IKBKB: variants seen among roughly 807,000 people sequenced by gnomAD.
The protein encoded by IKBKB is inhibitor of nuclear factor kappa-B kinase subunit beta.
Under a neutral mutation model 113.6 loss-of-function variants are expected in IKBKB, and 42 were observed. The ratio of observed to expected loss-of-function variants is 0.37; its 90% CI spans 0.29 to 0.48. The LOEUF (loss-of-function observed/expected upper bound fraction) is 0.48, where lower values mean the gene tolerates loss of function less well. Among genes scored for constraint, IKBKB ranks in the 20% least tolerant of loss-of-function variants. The pLI is 0.99. For missense variants in IKBKB, 673 were observed against 939.7 expected (o/e 0.72, Z 3.71); for synonymous variants, 296 against 361.3 (o/e 0.82, Z 2.05).
At chr8:42,275,802 C>G (rs1808959614) in intron 2 of IKBKB, among the ~76,000 whole-genome samples, 1 of 152,056 alleles carries the variant, frequency 6.6e-6, no homozygotes, top group Admixed American at 6.6e-5. Context: ...GATAGATACC[C>G]AGTAGTGGGA....
intron 5 of IKBKB, 74 bp from the exon 6 acceptor site, chr8:42,305,113 T>G: frequency 1.0e-6 from 1 of 981,696 alleles, no homozygotes; most frequent in Non-Finnish European, 1.6e-6. Context: ...GGCATTTATC[T>G]TTTGCAGGAT....
intron 5 of IKBKB, among the ~76,000 whole-genome samples, chr8:42,295,043 TG>T (rs1813444861): frequency 6.6e-6 from 1 of 152,030 alleles, no homozygotes; most frequent in Admixed American, 6.6e-5. Flanking sequence ...TTTTTTTGGA[TG>T]TTTTTCTCTC....
At chr8:42,299,207 C>T (rs1332426993) in intron 5 of IKBKB, among the ~76,000 whole-genome samples, 3 of 152,162 alleles carry the variant, frequency 2.0e-5, no homozygotes, top group South Asian at 4.1e-4. Context: ...GTGTCCGTGT[C>T]GAACCTGGTC....
At chr8:42,273,661 C>T (rs919734029) in intron 2 of IKBKB, among the ~76,000 whole-genome samples, 10 of 151,876 alleles carry the variant, frequency 6.6e-5, no homozygotes, top group African/African-American at 2.2e-4. Context: ...CCGTCTTTGC[C>T]TCCCAAAATG....
intron 19 of IKBKB, 112 bp downstream of exon 19, chr8:42,322,606 C>T: frequency 9.1e-7 from 1 of 1,104,066 alleles, no homozygotes; most frequent in Non-Finnish European, 1.3e-6. Context: ...CAGCAGCCCA[C>T]TCAGCTGCTG....
chr8:42,331,005 TG>T lies in IKBKB; in HGVS notation c.*30del. 6.2e-7 allele frequency: 1 copy of T among 1,602,450 alleles called. No homozygotes were observed. Among genetic ancestry groups the T allele is most frequent in the Non-Finnish European group, 8.5e-7 (1 of 1,171,680 alleles). ...TGTGGGGGGACTCGACCCCCTGACA[TG>T]GGGCAGCCCATAGCAGGCCTTGTGC... On this transcript the variant is annotated 3_prime_UTR_variant, in exon 22 of 22. Coordinates refer to ENST00000520810, the MANE Select transcript of IKBKB (RefSeq NM_001556.3).
chr8:42,316,158 A>G lies in IKBKB; in HGVS notation c.801-52A>G. On this transcript the variant is annotated intron_variant, in intron 9 of 21. Coordinates refer to ENST00000520810, the MANE Select transcript of IKBKB (RefSeq NM_001556.3). This position sits in a 1 kb window ranked among gnomAD's most constrained non-coding sequence, Gnocchi z 4.5. ...GTGTATACTGGGAGACGCACACTGT[A>G]GCCCAACATTGGCTGGAAGTGTCTC... 1 of 1,603,958 alleles carries G rather than the reference A, an allele frequency of 6.2e-7. No individual in the cohort carries two copies. The highest frequency in any genetic ancestry group is 1.1e-5 in the South Asian group (1 of 90,222).
At chr8:42,313,679 G>A (rs1818150654) in intron 8 of IKBKB, among the ~76,000 whole-genome samples, 2 of 152,164 alleles carry the variant, frequency 1.3e-5, no homozygotes, top group Non-Finnish European at 2.9e-5. Flanking sequence ...TGAAATAGAA[G>A]GTAGAGCAAG....
chr8:42,326,974 G>A (rs2130719567), intron 20 of IKBKB, among the ~76,000 whole-genome samples: 1 of 152,290 alleles, frequency 6.6e-6, no homozygotes, highest in South Asian at 2.1e-4. Context: ...AGGAGGTTGG[G>A]AGTGACTGAT....
intron 19 of IKBKB, chr8:42,325,682 T>C (rs939852672): frequency 8.6e-7 from 1 of 1,162,754 alleles, no homozygotes; most frequent in Non-Finnish European, 1.1e-6. Context: ...TCAATCATAA[T>C]CAATCAGTAA....
rs1821735289 is a variant in IKBKB at position 42,332,012 on chromosome 8, A to C, written c.*1033A>C. On this transcript the variant is annotated 3_prime_UTR_variant, in exon 22 of 22. Coordinates refer to ENST00000520810, the MANE Select transcript of IKBKB (RefSeq NM_001556.3). ...GGCTTCTGAACTAAAATAATGGAAAATTTTAACAATTTGTATAGTGCCTGG... is the reference window on the plus strand; with the variant it reads ...GGCTTCTGAACTAAAATAATGGAAACTTTTAACAATTTGTATAGTGCCTGG... 1 of 155,076 alleles carries C rather than the reference A, an allele frequency of 6.4e-6. No homozygotes were observed. 9.6% of individuals were successfully genotyped at this position (155,076 alleles called of 1,614,324 possible). A position where few individuals can be genotyped will look rare whatever the true frequency, so the allele number is the denominator to read the frequency against.
intron 7 of IKBKB, 50 bp from the exon 8 acceptor site, chr8:42,308,851 G>C (rs199967112): frequency 5.8e-5 from 93 of 1,592,280 alleles, no homozygotes; most frequent in Middle Eastern, 1.7e-4. Flanking sequence ...CTCCTGCCGT[G>C]GTCCCCCCAG....
intron 2 of IKBKB, among the ~76,000 whole-genome samples, chr8:42,275,077 A>G (rs766989666): frequency 3.6e-4 from 54 of 151,658 alleles, no homozygotes; most frequent in Middle Eastern, 3.4e-3. Context: ...GGGTTTTACC[A>G]TGTTGGCCAG....
At position 42,315,707 on chromosome 8, in the gene IKBKB, C is replaced by T. The variant is rs192470002; in HGVS notation, c.801-503C>T. Among the ~76,000 whole-genome samples, 496 of 152,118 alleles carry T rather than the reference C, an allele frequency of 3.3e-3. 2 individuals carry two copies. The highest frequency in any genetic ancestry group is 0.011 in the African/African-American group (467 of 41,508). On this transcript the variant is annotated intron_variant, in intron 9 of 21. Coordinates refer to ENST00000520810, the MANE Select transcript of IKBKB (RefSeq NM_001556.3). ...CAGAGTCTCCCTCTTGTCACCCAGG[C>T]TAGAGTGCAGTGTGGCACAGTCTTG...
chr8:42,298,009 G>C (rs953585447), intron 5 of IKBKB: 1 of 790,616 alleles, frequency 1.3e-6, no homozygotes. Context: ...GGAGACCTGG[G>C]ACCCATGTGG....
rs1821676051 is a variant in IKBKB at position 42,331,433 on chromosome 8, A to T, written c.*454A>T. ...CAGAGTCCGAGCAGCGCTTGGTGAC[A>T]GCCTGTCCTCTCCTGCTCTCCAAAG... On this transcript the variant is annotated 3_prime_UTR_variant, in exon 22 of 22. Transcript: ENST00000520810. 1.4e-6 allele frequency: 1 copy of T among 702,484 alleles called. No homozygotes were observed. The highest frequency in any genetic ancestry group is 2.6e-6 in the Non-Finnish European group (1 of 384,970). 43.5% of individuals were successfully genotyped at this position (702,484 alleles called of 1,614,324 possible).
rs765143291 is a variant in IKBKB at position 42,330,978 on chromosome 8, G to C, written c.2270G>C (p.Ter757SerextTer25). 5 of 1,614,078 alleles carry C rather than the reference G, an allele frequency of 3.1e-6. No homozygotes were observed. In the South Asian group the frequency reaches 5.5e-5, roughly 18 times the overall value. The change falls in exon 22 of 22, where the codon TGA (stop) becomes TCA (serine). Residue 757 changes from the stop codon to serine, a stop_lost. Coordinates refer to ENST00000520810, the MANE Select transcript of IKBKB (RefSeq NM_001556.3). ...CACAGCTGCCTGGAGCAGGCCTCAT[G>C]ATGTGGGGGGACTCGACCCCCTGAC... ...EEHSCLEQAS[*>S]
chr8:42,330,343 GTATTTGTTTAATT>G (rs1425522430), intron 21 of IKBKB: 1 of 978,016 alleles, frequency 1.0e-6, no homozygotes, highest in Non-Finnish European at 1.2e-6. Context: ...TTTTTAATTT[GTATTTGTTTAATT>G]TATTTGTTTT....
At chr8:42,295,512 G>A (rs1813590582) in intron 5 of IKBKB, among the ~76,000 whole-genome samples, 1 of 152,178 alleles carries the variant, frequency 6.6e-6, no homozygotes, top group Non-Finnish European at 1.5e-5. Context: ...GGATCACAAG[G>A]TCAGGAGTTC....
Sources: gnomAD v4.1 joint callset for allele counts (sites outside exome capture counted in the v4.1 genomes callset) on GRCh38, gnomAD v4.1.1 for gene constraint, Gnocchi (gnomAD v3.1) non-coding constraint, MANE v1.5 for transcripts, NCBI Gene and HGNC (gene_info 2026-07-23, HGNC 2026-07-21) for gene names.